PIK3C3: variants seen among roughly 807,000 people sequenced by gnomAD.
The protein encoded by PIK3C3 is phosphatidylinositol 3-kinase catalytic subunit type 3.
A neutral mutation model predicts 126.1 loss-of-function variants in PIK3C3; 95 were observed. That is an observed-to-expected ratio of 0.75 (90% CI 0.64 to 0.89). PIK3C3 has a LOEUF of 0.89. Ranked by LOEUF, PIK3C3 falls within the 40% of genes least tolerant of loss-of-function variation. The pLI, the probability that PIK3C3 is intolerant of heterozygous loss-of-function variation, is 0.00. For missense variants in PIK3C3, 829 were observed against 1,063.2 expected (o/e 0.78, Z 3.06); for synonymous variants, 374 against 360.0 (o/e 1.04, Z -0.44).
At chr18:42,005,654 C>T (rs1043726525) in intron 10 of PIK3C3, among the ~76,000 whole-genome samples, 2 of 151,994 alleles carry the variant, frequency 1.3e-5, no homozygotes, top group East Asian at 1.9e-4. Flanking sequence ...ATAGCAATGT[C>T]GATCGCATAG....
At chr18:42,020,865 T>C (rs1265757039) in intron 13 of PIK3C3, among the ~76,000 whole-genome samples, 160 bp downstream of exon 13, 1 of 152,208 alleles carries the variant, frequency 6.6e-6, no homozygotes, top group Non-Finnish European at 1.5e-5. Flanking sequence ...GCTGGGTTCA[T>C]GGAAATGCTT....
At chr18:41,986,397 G>T (rs958794226) in intron 4 of PIK3C3, among the ~76,000 whole-genome samples, 1 of 152,018 alleles carries the variant, frequency 6.6e-6, no homozygotes, top group African/African-American at 2.4e-5. Flanking sequence ...AGCATATTGC[G>T]AAGTGAGTAA....
rs546423427 is a variant in PIK3C3 at position 41,960,921 on chromosome 18, T to C, written c.258-1568T>C. Among the ~76,000 whole-genome samples, 124 of 152,120 alleles carry C rather than the reference T, an allele frequency of 8.2e-4. 1 individual carries two copies. The South Asian group carries it at 0.016, about 19-fold the overall frequency. ...CATGCCCGGCTGATTTTTGTATTTT[T>C]AGTAGAGACACGGTTTCACCATGTT... On this transcript the variant is annotated intron_variant, in intron 2 of 24. Coordinates refer to ENST00000262039, the MANE Select transcript of PIK3C3 (RefSeq NM_002647.4).
chr18:41,982,665 G>A (rs1002499212), intron 4 of PIK3C3, among the ~76,000 whole-genome samples: 5 of 152,100 alleles, frequency 3.3e-5, no homozygotes, highest in African/African-American at 1.2e-4. Flanking sequence ...TATTGTTAAA[G>A]CACAAAGAGG....
intron 16 of PIK3C3, among the ~76,000 whole-genome samples, chr18:42,034,768 T>C (rs1176400842): frequency 2.0e-5 from 3 of 152,186 alleles, no homozygotes; most frequent in Non-Finnish European, 4.4e-5. Context: ...ATTCTAGTGG[T>C]AGAAAGGCAT....
rs138330761 is a variant in PIK3C3 at position 41,999,343 on chromosome 18, A to G, written c.984+2613A>G. The stretch of plus-strand genomic sequence containing the variant: ...CTTTTACAATGGACTTTTTTCTTAT[A>G]AAAATACTAATTTAAATTAACTCCA... On this transcript the variant is annotated intron_variant, in intron 9 of 24. Transcript: ENST00000262039. 2.1e-3 allele frequency among the ~76,000 whole-genome samples: 316 copies of G among 152,308 alleles called. 2 individuals carry two copies. Among genetic ancestry groups the G allele is most frequent in the African/African-American group, 7.3e-3 (304 of 41,576 alleles).
rs560114760 is a variant in PIK3C3, at chr18:42,072,904, C to T, written c.2649+5391C>T. On this transcript the variant is annotated intron_variant, in intron 24 of 24. Coordinates refer to ENST00000262039, the MANE Select transcript of PIK3C3 (RefSeq NM_002647.4). The stretch of plus-strand genomic sequence containing the variant: ...AAGATAGAGGTCATATAGTTTGGGT[C>T]ATGTACAGTTGCACAAGTAGGCCTT... Among the ~76,000 whole-genome samples the T allele has an allele frequency of 2.6e-5, 4 of 152,156 alleles. No individual in the cohort carries two copies. The South Asian group carries it at 8.3e-4, about 32-fold the overall frequency.
chr18:42,060,824 G>T (rs961867046), intron 22 of PIK3C3, among the ~76,000 whole-genome samples: 2 of 152,012 alleles, frequency 1.3e-5, no homozygotes, highest in South Asian at 4.1e-4. Context: ...ATCAAGTAAG[G>T]TTCTCATATT....
rs530898961 is a variant in PIK3C3, at chr18:42,046,857, A to G, written c.2189-2674A>G. Among the ~76,000 whole-genome samples the G allele has an allele frequency of 2.3e-3, 344 of 152,252 alleles. 1 individual carries two copies. The highest frequency in any genetic ancestry group is 7.9e-3 in the African/African-American group (330 of 41,550). On this transcript the variant is annotated intron_variant, in intron 20 of 24. Coordinates refer to ENST00000262039, the MANE Select transcript of PIK3C3 (RefSeq NM_002647.4). ...TTCATCTTTACTATTAAATATGGCC[A>G]TATGTTGATACATATATTTCACTTG... is the stretch of plus-strand genomic sequence containing the variant.
intron 13 of PIK3C3, chr18:42,025,509 A>G (rs1200043017): frequency 6.6e-6 from 1 of 152,224 alleles, no homozygotes; most frequent in Admixed American, 6.5e-5. Context: ...AAGTGATTCA[A>G]ACATTTGTTT....
At chr18:42,008,056 G>C (rs1387205785) in intron 10 of PIK3C3, among the ~76,000 whole-genome samples, 3 of 152,004 alleles carry the variant, frequency 2.0e-5, no homozygotes, top group Non-Finnish European at 1.5e-5. Flanking sequence ...ATATCATATA[G>C]TGTCTCATTT....
At chr18:42,032,623 AT>A (rs937693976) in intron 15 of PIK3C3, among the ~76,000 whole-genome samples, 2 of 120,734 alleles carry the variant, frequency 1.7e-5, no homozygotes, top group Non-Finnish European at 3.4e-5. Flanking sequence ...CTTTCTGGTT[AT>A]TTTATTTATT....
In PIK3C3 at chr18:42,037,670, AATCAAT is replaced by A. The variant is rs1169638500; in HGVS notation, c.1840-19_1840-14del. 26 of 1,594,338 alleles carry A rather than the reference AATCAAT, an allele frequency of 1.6e-5. No individual in the cohort carries two copies. Among genetic ancestry groups the A allele is most frequent in the Non-Finnish European group, 2.2e-5 (26 of 1,167,414 alleles). On this transcript the variant is annotated splice_polypyrimidine_tract_variant and intron_variant, in intron 16 of 24. Transcript: ENST00000262039. ...TGCATTAATTCATGGCCAAATTTGA[AATCAAT>A]ATTTTTATTTTCCAGAGTGCCCTTA...
intron 2 of PIK3C3, 137 bp from the exon 3 acceptor site, chr18:41,962,352 C>G (rs1330949468): frequency 1.9e-6 from 1 of 528,370 alleles, no homozygotes; most frequent in African/African-American, 1.9e-5. Flanking sequence ...ATTGAGGTGA[C>G]TGCCATATTA....
chr18:42,077,354 T>A (rs1986069674), intron 24 of PIK3C3, among the ~76,000 whole-genome samples: 1 of 151,944 alleles, frequency 6.6e-6, no homozygotes, highest in South Asian at 2.1e-4. Flanking sequence ...TAGCATGTGA[T>A]GCTGTTTGAT....
chr18:41,967,574 T>C (rs1033424732), intron 3 of PIK3C3, among the ~76,000 whole-genome samples: 1 of 152,208 alleles, frequency 6.6e-6, no homozygotes, highest in African/African-American at 2.4e-5. Flanking sequence ...TTTGCTAATA[T>C]CTGTTTTGTT....
intron 4 of PIK3C3, among the ~76,000 whole-genome samples, chr18:41,975,442 A>C (rs1324873244): frequency 6.6e-6 from 1 of 152,166 alleles, no homozygotes; most frequent in Admixed American, 6.6e-5. Flanking sequence ...GACAGTGCAC[A>C]TGTCGAACGT....
At chr18:42,027,569 T>G (rs767183221) in intron 14 of PIK3C3, 21 bp downstream of exon 14, 1 of 1,469,958 alleles carries the variant, frequency 6.8e-7, no homozygotes, top group Admixed American at 1.7e-5. Context: ...AATGTGAGGG[T>G]TGGCAAACTG....
chr18:42,010,314 T>C (rs1331800854), intron 10 of PIK3C3, among the ~76,000 whole-genome samples: 1 of 152,148 alleles, frequency 6.6e-6, no homozygotes, highest in Non-Finnish European at 1.5e-5. Flanking sequence ...GCACCTCTAA[T>C]TCTAGTTTTT....
Sources: gnomAD v4.1 joint callset for allele counts (sites outside exome capture counted in the v4.1 genomes callset) on GRCh38, gnomAD v4.1.1 for gene constraint, MANE v1.5 for transcripts, NCBI Gene and HGNC (gene_info 2026-07-23, HGNC 2026-07-21) for gene names.